The following ALK variants were observed in gnomAD, a reference collection of about 807,000 sequenced individuals.
ALK encodes ALK tyrosine kinase receptor.
In ALK, 74 loss-of-function variants were observed where a neutral mutation model predicts 163.1. The observed-to-expected ratio is 0.45, with a 90% confidence interval of 0.38 to 0.55. The LOEUF (loss-of-function observed/expected upper bound fraction) is 0.55. Ranked by LOEUF, ALK falls within the 20% of genes least tolerant of loss-of-function variation. ALK has a pLI of 0.00. For missense variants in ALK, 2,063 were observed against 2,105.3 expected, an observed-to-expected ratio of 0.98 and a Z score of 0.39; for synonymous variants, 960 against 843.2, an observed-to-expected ratio of 1.14 and a Z score of -2.40.
intron 1 of ALK, among the ~76,000 whole-genome samples, chr2:29,809,760 C>T (rs1239247251): frequency 6.6e-6 from 1 of 152,218 alleles, no homozygotes; most frequent in African/African-American, 2.4e-5. Context: ...TTTCCAGAGA[C>T]ATATACAAGG....
At chr2:29,548,693 G>A (rs557685776) in intron 3 of ALK, among the ~76,000 whole-genome samples, 1 of 152,224 alleles carries the variant, frequency 6.6e-6, no homozygotes, top group South Asian at 2.1e-4. Context: ...AGTACCTGGT[G>A]CAATGCCAAG....
chr2:29,528,097 TC>T (rs1200223196), intron 4 of ALK, among the ~76,000 whole-genome samples: 1 of 152,226 alleles, frequency 6.6e-6, no homozygotes, highest in East Asian at 1.9e-4. Context: ...AAATATCTTT[TC>T]AAGTATTAGT....
chr2:29,870,688 G>A (rs1329222676), intron 1 of ALK, among the ~76,000 whole-genome samples: 1 of 152,120 alleles, frequency 6.6e-6, no homozygotes, highest in Non-Finnish European at 1.5e-5. Flanking sequence ...ATAAAAATAT[G>A]AAAAATACAT....
chr2:29,302,401 C>G (rs1032475914), intron 8 of ALK, among the ~76,000 whole-genome samples: 3 of 152,110 alleles, frequency 2.0e-5, no homozygotes, highest in African/African-American at 7.2e-5. Flanking sequence ...ACCTGTAATC[C>G]CAGCTACTTG....
chr2:29,876,791 AATG>A (rs1666734951), intron 1 of ALK, among the ~76,000 whole-genome samples: 1 of 151,300 alleles, frequency 6.6e-6, no homozygotes, highest in Admixed American at 6.6e-5. Context: ...TGGTGGTGAT[AATG>A]ATGATGGTGG....
intron 1 of ALK, among the ~76,000 whole-genome samples, chr2:29,883,068 G>A (rs1444978738): frequency 1.3e-5 from 2 of 151,456 alleles, no homozygotes; most frequent in Non-Finnish European, 2.9e-5. Flanking sequence ...GAGAGAGAGA[G>A]ACGACAGAGA....
chr2:29,640,375 G>C (rs932991867), intron 3 of ALK, among the ~76,000 whole-genome samples: 2 of 152,146 alleles, frequency 1.3e-5, no homozygotes, highest in South Asian at 2.1e-4. Context: ...ATGAGGGTGA[G>C]TGAGTTCTCA....
intron 1 of ALK, among the ~76,000 whole-genome samples, chr2:29,723,288 C>A (rs540986958): frequency 7.9e-5 from 12 of 152,216 alleles, no homozygotes; most frequent in Non-Finnish European, 1.5e-4. Flanking sequence ...ACTGGCAGTT[C>A]TCTCAGCCGA....
intron 27 of ALK, among the ~76,000 whole-genome samples, chr2:29,197,245 G>A (rs1260680171): frequency 6.6e-6 from 1 of 152,176 alleles, no homozygotes; most frequent in African/African-American, 2.4e-5. Context: ...GTGTAGGGCA[G>A]CAGGGACTGG....
intron 2 of ALK, among the ~76,000 whole-genome samples, chr2:29,705,267 A>ATC (rs1397861643): frequency 1.8e-5 from 1 of 55,182 alleles, no homozygotes; most frequent in Non-Finnish European, 3.1e-5. Context: ...ATATATATAT[A>ATC]TATATATATA....
intron 1 of ALK, among the ~76,000 whole-genome samples, chr2:29,806,662 G>C (rs2148368623): frequency 6.6e-6 from 1 of 152,294 alleles, no homozygotes; most frequent in Non-Finnish European, 1.5e-5. Flanking sequence ...TGTCAAAATA[G>C]ATTGGTGAGG....
chr2:29,209,067 C>A (rs1001260277), intron 25 of ALK, among the ~76,000 whole-genome samples: 36 of 152,192 alleles, frequency 2.4e-4, no homozygotes, highest in Admixed American at 2.2e-3. Flanking sequence ...TCCTGCCCGA[C>A]CTGGGATGCA....
At chr2:29,656,803 T>C (rs542900910) in intron 3 of ALK, among the ~76,000 whole-genome samples, 2 of 152,234 alleles carry the variant, frequency 1.3e-5, no homozygotes, top group African/African-American at 4.8e-5. Flanking sequence ...AGACATGGCG[T>C]TTGAAGCTCC....
At chr2:29,834,622 T>G (rs545387369) in intron 1 of ALK, among the ~76,000 whole-genome samples, 1 of 152,084 alleles carries the variant, frequency 6.6e-6, no homozygotes, top group African/African-American at 2.4e-5. Context: ...GAGATTGCAA[T>G]AGGAAATACT....
At chr2:29,757,172 C>A (rs1680561056) in intron 1 of ALK, among the ~76,000 whole-genome samples, 1 of 152,076 alleles carries the variant, frequency 6.6e-6, no homozygotes. Flanking sequence ...CAGGAATGGC[C>A]AGAAGACCAC....
chr2:29,322,791 G>T (rs112250106), intron 6 of ALK, among the ~76,000 whole-genome samples: 2 of 152,218 alleles, frequency 1.3e-5, no homozygotes, highest in African/African-American at 4.8e-5. Context: ...CCAAGATTGT[G>T]CCACTGCACT....
At chr2:29,691,081 A>G (rs548721668) in intron 3 of ALK, among the ~76,000 whole-genome samples, 1 of 152,316 alleles carries the variant, frequency 6.6e-6, no homozygotes, top group South Asian at 2.1e-4. Context: ...CCTGAAGGTC[A>G]AGGGAGTTTA....
Position 29,518,638 on chromosome 2 carries a change from C to T in ALK, c.1154+13277G>A, listed in dbSNP as rs922101414. On this transcript the variant is annotated intron_variant, in intron 4 of 28. Coordinates refer to ENST00000389048, the MANE Select transcript of ALK (RefSeq NM_004304.5). Reference sequence around the variant, plus strand: ...GTTCCAGATCACTGAAGAACAAGTCCCCTGACCCCTTTGCTGGTAAGAATC... The same window carrying T: ...GTTCCAGATCACTGAAGAACAAGTCTCCTGACCCCTTTGCTGGTAAGAATC... 5.9e-5 allele frequency among the ~76,000 whole-genome samples: 9 copies of T among 152,270 alleles called. No homozygotes were observed. The South Asian group carries it at 1.2e-3, about 21-fold the overall frequency.
chr2:29,575,287 C>T (rs977778725), intron 3 of ALK, among the ~76,000 whole-genome samples: 2 of 152,126 alleles, frequency 1.3e-5, no homozygotes, highest in Non-Finnish European at 2.9e-5. Flanking sequence ...TTGCTTCTTG[C>T]GAGATTCCAT....
Sources: allele counts gnomAD v4.1 joint callset (sites outside exome capture counted in the v4.1 genomes callset), GRCh38; gene constraint gnomAD v4.1.1; transcripts MANE v1.5; gene names NCBI Gene and HGNC (gene_info 2026-07-23, HGNC 2026-07-21).